SSUH2: variants seen among roughly 807,000 people sequenced by gnomAD.
SSUH2 encodes ssu-2 homolog, also known as protein SSUH2 homolog.
A neutral mutation model predicts 55.3 loss-of-function variants in SSUH2; 47 were observed. The observed-to-expected ratio is 0.85, with a 90% CI of 0.67 to 1.08. SSUH2 has a LOEUF of 1.08. Among genes scored for constraint, SSUH2 ranks in the 50% least tolerant of loss-of-function variants. SSUH2 has a pLI of 0.00. For synonymous variants in SSUH2, 212 were observed against 191.5 expected, an observed-to-expected ratio of 1.11 and a Z score of -0.89; for missense variants, 535 against 490.7, an observed-to-expected ratio of 1.09 and a Z score of -0.85.
chr3:8,675,510 G>C (rs957909462), intron 3 of SSUH2, among the ~76,000 whole-genome samples: 1 of 152,206 alleles, frequency 6.6e-6, no homozygotes, highest in Non-Finnish European at 1.5e-5. Context: ...GGTATAAGGC[G>C]TCCAAGAAGA....
rs183964975 is a variant in SSUH2, at chr3:8,677,192, T to C, written c.-753+14A>G. On this transcript the variant is annotated intron_variant, in intron 3 of 18. Transcript: ENST00000317371. ...AGGACGCCCATCGCGGATCCTAAGA[T>C]CCTTTGGACCCACCTGGAGGACTGT... 111 of 151,862 alleles carry C rather than the reference T, an allele frequency of 7.3e-4. 7 individuals carry two copies. The highest frequency in any genetic ancestry group is 2.9e-4 in the Non-Finnish European group (20 of 68,612). The allele number at this position is 151,862 out of a possible 1,614,324, so 9.4% of individuals were successfully genotyped here.
rs1337345693 is a variant in SSUH2, at chr3:8,626,357, T to C, written c.675-36A>G. The C allele has an allele frequency of 5.7e-6, 9 of 1,569,070 alleles. 1 individual carries two copies. The highest frequency in any genetic ancestry group is 5.6e-5 in the South Asian group (5 of 89,760). ...CACAGAGTCCGTACCCCCAGATCAG[T>C]TGCAGGTCCTGGTGGCTTCCAGAGG... On this transcript the variant is annotated intron_variant, in intron 8 of 11. Transcript: ENST00000544814.
rs146831563 is a variant in SSUH2 at position 8,636,381 on chromosome 3, C to A, written c.29-524G>T. ...GAGTCCAGCCTTCCAGCTATCCCCG[C>A]CAAACCAGCAAAGCCATCCTGGACC... is the stretch of plus-strand genomic sequence containing the variant. On this transcript the variant is annotated intron_variant, in intron 1 of 11. Transcript: ENST00000544814. 3.3e-5 allele frequency among the ~76,000 whole-genome samples: 5 copies of A among 152,242 alleles called. No individual in the cohort carries two copies. In the East Asian group the frequency reaches 9.7e-4, roughly 29 times the overall value.
intron 7 of SSUH2, among the ~76,000 whole-genome samples, chr3:8,653,668 CT>C (rs1262694885): frequency 6.6e-6 from 1 of 152,156 alleles, no homozygotes; most frequent in Non-Finnish European, 1.5e-5. Context: ...GTTCACAAGA[CT>C]TTTGTTTTTA....
At chr3:8,636,331 A>G (rs531195723) in intron 1 of SSUH2, among the ~76,000 whole-genome samples, 1 of 152,196 alleles carries the variant, frequency 6.6e-6, no homozygotes, top group South Asian at 2.1e-4. Flanking sequence ...GGAGACCCTA[A>G]GACTACATGG....
chr3:8,674,776 C>T (rs961495883), intron 3 of SSUH2, among the ~76,000 whole-genome samples: 1 of 152,050 alleles, frequency 6.6e-6, no homozygotes, highest in African/African-American at 2.4e-5. Flanking sequence ...GTCATTATGA[C>T]CCTTACGGTC....
intron 5 of SSUH2, among the ~76,000 whole-genome samples, chr3:8,667,658 C>G (rs1035265810): frequency 2.0e-5 from 3 of 152,206 alleles, no homozygotes; most frequent in African/African-American, 7.2e-5. Context: ...ATTACACAGG[C>G]ATGATTGATT....
intron 3 of SSUH2, chr3:8,633,999 G>A (rs763624568): frequency 1.3e-6 from 2 of 1,571,250 alleles, no homozygotes; most frequent in Admixed American, 1.8e-5. Flanking sequence ...GGTTTTCCTA[G>A]AGAACAGCCA....
chr3:8,644,220 C>A (rs1053972569), intron 1 of SSUH2, among the ~76,000 whole-genome samples: 1 of 152,134 alleles, frequency 6.6e-6, no homozygotes, highest in Non-Finnish European at 1.5e-5. Context: ...AGAGAAAGAT[C>A]ACGAGTGAAG....
At chr3:8,672,849 C>T (rs1424570426) in intron 3 of SSUH2, among the ~76,000 whole-genome samples, 5 of 152,176 alleles carry the variant, frequency 3.3e-5, no homozygotes, top group Non-Finnish European at 5.9e-5. Flanking sequence ...TTGGGAGTAA[C>T]GTCATACGCC....
At chr3:8,639,490 T>A (rs1177673757) in intron 1 of SSUH2, among the ~76,000 whole-genome samples, 1 of 152,232 alleles carries the variant, frequency 6.6e-6, no homozygotes, top group Non-Finnish European at 1.5e-5. Flanking sequence ...TCTACTTAGC[T>A]GAACACCCTA....
chr3:8,623,719 T>C, intron 10 of SSUH2, 63 bp from the exon 11 acceptor site: 1 of 833,976 alleles, frequency 1.2e-6, no homozygotes, highest in Non-Finnish European at 1.9e-6. Context: ...TGGAAGTCAC[T>C]GGGGCTGACT....
intron 11 of SSUH2, among the ~76,000 whole-genome samples, chr3:8,621,881 A>G (rs1297381532): frequency 1.3e-5 from 2 of 152,094 alleles, no homozygotes; most frequent in East Asian, 3.9e-4. Context: ...TTGTTTCCAG[A>G]TTTTTCTATT....
At chr3:8,665,921 T>C (rs548561834) in intron 5 of SSUH2, among the ~76,000 whole-genome samples, 3 of 152,266 alleles carry the variant, frequency 2.0e-5, no homozygotes, top group East Asian at 1.9e-4. Context: ...TTAATGTTGA[T>C]AAAAATGAGA....
At chr3:8,624,984 C>T (rs2125103462) in intron 10 of SSUH2, among the ~76,000 whole-genome samples, 1 of 152,254 alleles carries the variant, frequency 6.6e-6, no homozygotes, top group Admixed American at 6.5e-5. Context: ...AAGAGGCTTT[C>T]CCACCTCCAG....
chr3:8,649,136 G>T (rs1702086559), upstream of SSUH2, among the ~76,000 whole-genome samples: 1 of 152,136 alleles, frequency 6.6e-6, no homozygotes, highest in Non-Finnish European at 1.5e-5. Flanking sequence ...TGCTGCCTTT[G>T]CTTCCTCACA....
chr3:8,652,869 T>A (rs1005720198), intron 7 of SSUH2, among the ~76,000 whole-genome samples: 5 of 152,180 alleles, frequency 3.3e-5, no homozygotes, highest in African/African-American at 1.2e-4. Context: ...CAGGCCACTC[T>A]CCACAGGTCT....
intron 2 of SSUH2, chr3:8,677,508 G>A (rs1456399062): frequency 1.3e-5 from 2 of 150,840 alleles, no homozygotes; most frequent in East Asian, 2.1e-4. Flanking sequence ...ACAACAGCAA[G>A]TCTTTCATGA....
chr3:8,667,871 C>A (rs1168715755), intron 5 of SSUH2, among the ~76,000 whole-genome samples: 1 of 151,990 alleles, frequency 6.6e-6, no homozygotes, highest in Non-Finnish European at 1.5e-5. Flanking sequence ...GAATGAAGAC[C>A]AAGTTAATAT....
Sources: gnomAD v4.1 joint callset for allele counts (sites outside exome capture counted in the v4.1 genomes callset) on GRCh38, gnomAD v4.1.1 for gene constraint, MANE v1.5 for transcripts, NCBI Gene and HGNC (gene_info 2026-07-23, HGNC 2026-07-21) for gene names.